The following BANK1 variants were observed in gnomAD, a reference collection of about 807,000 sequenced individuals.
BANK1 encodes the protein B cell scaffold protein with ankyrin repeats 1.
BANK1 carries 95 observed loss-of-function variants against 94.5 expected under a neutral mutation model. The observed-to-expected ratio is 1.00, with a 90% CI of 0.85 to 1.19. The LOEUF is 1.19. Ranked by LOEUF, BANK1 falls within the 50% of genes most tolerant of loss-of-function variation. The pLI is 0.00. For missense variants in BANK1, 987 were observed against 932.2 expected (o/e 1.06, Z -0.77); for synonymous variants, 334 against 308.4 (o/e 1.08, Z -0.87).
At chr4:102,049,605 C>G (rs1727983457) in intron 11 of BANK1, among the ~76,000 whole-genome samples, 1 of 152,146 alleles carries the variant, frequency 6.6e-6, no homozygotes, top group African/African-American at 2.4e-5. Context: ...GGCAGCTAGG[C>G]AGACACGAGC....
chr4:101,841,749 A>T (rs1430947008), intron 2 of BANK1, among the ~76,000 whole-genome samples: 1 of 148,646 alleles, frequency 6.7e-6, no homozygotes. Context: ...AGCATTAGGT[A>T]TATCTCCCAA....
chr4:101,814,019 T>C (rs1725810787), intron 1 of BANK1: 9 of 410,312 alleles, frequency 2.2e-5, no homozygotes, highest in Non-Finnish European at 3.0e-5. Flanking sequence ...TGAGATGATA[T>C]TTCTTTAGAG....
chr4:102,036,059 G>A (rs529565638), intron 10 of BANK1, among the ~76,000 whole-genome samples: 1 of 152,264 alleles, frequency 6.6e-6, no homozygotes, highest in East Asian at 1.9e-4. Context: ...GCATCAATGG[G>A]CAATTTTCTA....
At chr4:102,003,908 T>C (rs1271916587) in intron 7 of BANK1, among the ~76,000 whole-genome samples, 1 of 151,604 alleles carries the variant, frequency 6.6e-6, no homozygotes, top group Non-Finnish European at 1.5e-5. Context: ...TGTGTATATA[T>C]GTATGTATAC....
Position 101,987,568 on chromosome 4 carries a change from G to T in BANK1, c.1207-33946G>T, listed in dbSNP as rs1473998203. On this transcript the variant is annotated intron_variant, in intron 7 of 16. Coordinates refer to ENST00000322953, the MANE Select transcript of BANK1 (RefSeq NM_017935.5). ...AATTAAGCTTATCTCATTGGGAATTGTTCTTCCTCAACAACCTTGGCAGGA... is the reference window on the plus strand; with the variant it reads ...AATTAAGCTTATCTCATTGGGAATTTTTCTTCCTCAACAACCTTGGCAGGA... 2.0e-5 allele frequency among the ~76,000 whole-genome samples: 3 copies of T among 151,998 alleles called. No individual in the cohort carries two copies. In the East Asian group the frequency reaches 5.8e-4, roughly 29 times the overall value.
intron 7 of BANK1, among the ~76,000 whole-genome samples, chr4:101,991,995 G>A (rs1285114864): frequency 6.6e-6 from 1 of 152,172 alleles, no homozygotes; most frequent in East Asian, 1.9e-4. Context: ...TTTGGTTCAT[G>A]TGGGTATGTA....
At chr4:101,890,433 A>G (rs566140841) in intron 5 of BANK1, among the ~76,000 whole-genome samples, 1 of 151,202 alleles carries the variant, frequency 6.6e-6, no homozygotes, top group African/African-American at 2.4e-5. Flanking sequence ...TCTCCTGTAA[A>G]TTTTTTTGCT....
At position 102,071,316 on chromosome 4, in the gene BANK1, G is replaced by A. The variant is rs913103327; in HGVS notation, c.2242+12G>A. 1.2e-6 allele frequency: 2 copies of A among 1,612,896 alleles called. No homozygotes were observed. The highest frequency in any genetic ancestry group is 1.3e-5 in the African/African-American group (1 of 74,980). On this transcript the variant is annotated intron_variant, in intron 14 of 16. Coordinates refer to ENST00000322953, the MANE Select transcript of BANK1 (RefSeq NM_017935.5). ...GCACCATCCAGGTGGTAAGTGCTTG[G>A]TATTTATTGAAGGATCTAAGACTAA...
intron 7 of BANK1, among the ~76,000 whole-genome samples, chr4:101,970,178 G>A (rs1055286936): frequency 2.6e-5 from 4 of 152,094 alleles, no homozygotes; most frequent in Non-Finnish European, 5.9e-5. Context: ...TGCGTGTCAG[G>A]CACTGTTATC....
rs1491352771 is a variant in BANK1, at chr4:102,007,066, T to TATATATAAATATATTATATATATA, written c.1207-14448_1207-14447insATATATAAATATATTATATATATA. On this transcript the variant is annotated intron_variant, in intron 7 of 16. Coordinates refer to ENST00000322953, the MANE Select transcript of BANK1 (RefSeq NM_017935.5). ...ATATATATATATATAAAATATATAA[T>TATATATAAATATATTATATATATA]TTTATATATATATAAATATATATAT... Among the ~76,000 whole-genome samples the TATATATAAATATATTATATATATA allele has an allele frequency of 5.5e-3, 548 of 98,826 alleles. 3 individuals carry two copies. The highest frequency in any genetic ancestry group is 0.021 in the African/African-American group (521 of 24,284). 64.8% of individuals were successfully genotyped at this position (98,826 alleles called of 152,430 possible). A position where few individuals can be genotyped will look rare whatever the true frequency, so the allele number is the denominator to read the frequency against.
chr4:102,025,292 A>T lies in BANK1; in HGVS notation c.1377A>T (p.Gly459=). 1 of 1,614,102 alleles carries T rather than the reference A, an allele frequency of 6.2e-7. No individual in the cohort carries two copies. Among genetic ancestry groups the T allele is most frequent in the Non-Finnish European group, 8.5e-7 (1 of 1,179,998 alleles). ...AGGCAAATGAAATGGAAGGGGAAGG[A>T]AAACAGAATGGATCAGGCATGGAGA... ...GAEANEMEGE[G]KQNGSGMETK... Residue 459 remains glycine, a synonymous_variant, in exon 9 of 17, where the codon GGA becomes GGT. Coordinates refer to ENST00000322953, the MANE Select transcript of BANK1 (RefSeq NM_017935.5).
chr4:101,852,412 C>G (rs1727512527), intron 2 of BANK1, among the ~76,000 whole-genome samples: 2 of 141,024 alleles, frequency 1.4e-5, no homozygotes, highest in South Asian at 4.4e-4. Context: ...ATATTTATAT[C>G]TATTTAGTAA....
intron 1 of BANK1, among the ~76,000 whole-genome samples, chr4:101,821,261 G>A (rs1188400887): frequency 6.6e-6 from 1 of 152,160 alleles, no homozygotes; most frequent in African/African-American, 2.4e-5. Flanking sequence ...TTTGAAAAGT[G>A]TCTATTCATG....
At chr4:101,827,699 A>T (rs1726417693) in intron 1 of BANK1, among the ~76,000 whole-genome samples, 1 of 151,838 alleles carries the variant, frequency 6.6e-6, no homozygotes, top group African/African-American at 2.4e-5. Context: ...ATTTTCCTCT[A>T]TTATTTAAAT....
chr4:101,970,844 A>G (rs1724928378), intron 7 of BANK1, among the ~76,000 whole-genome samples: 1 of 152,138 alleles, frequency 6.6e-6, no homozygotes, highest in Non-Finnish European at 1.5e-5. Flanking sequence ...AGTGAAATAT[A>G]AGAAGTAAAC....
At position 101,878,538 on chromosome 4, in the gene BANK1, G is replaced by A. The variant is rs187001311; in HGVS notation, c.903+7894G>A. Among the ~76,000 whole-genome samples the A allele has an allele frequency of 3.9e-5, 6 of 152,138 alleles. No individual in the cohort carries two copies. The South Asian group carries it at 6.2e-4, about 16-fold the overall frequency. ...ACTCCAACACCTCAATTTCAGCATC[G>A]GACAGATATTCCACACAGAAAATGA... is the stretch of plus-strand genomic sequence containing the variant. On this transcript the variant is annotated intron_variant, in intron 5 of 16. Transcript: ENST00000322953.
intron 3 of BANK1, among the ~76,000 whole-genome samples, chr4:101,858,520 C>G (rs1727760927): frequency 6.6e-6 from 1 of 152,110 alleles, no homozygotes; most frequent in Non-Finnish European, 1.5e-5. Flanking sequence ...TTAAATATAT[C>G]ATTTTCCCTT....
At chr4:102,050,546 T>C (rs960066361) in intron 11 of BANK1, among the ~76,000 whole-genome samples, 6 of 152,210 alleles carry the variant, frequency 3.9e-5, no homozygotes, top group Non-Finnish European at 5.9e-5. Context: ...CCACATGTGG[T>C]CAAATTTAGC....
At position 102,039,434 on chromosome 4, in the gene BANK1, T is replaced by C. The variant is rs1199206340; in HGVS notation, c.1901-4405T>C. Among the ~76,000 whole-genome samples the C allele has an allele frequency of 2.0e-5, 3 of 152,150 alleles. No homozygotes were observed. In the East Asian group the frequency reaches 5.8e-4, roughly 29 times the overall value. On this transcript the variant is annotated intron_variant, in intron 10 of 16. Coordinates refer to ENST00000322953, the MANE Select transcript of BANK1 (RefSeq NM_017935.5). ...GTTAAAACATTCTGTGTTTCCTGTATTTGCTGGCTAGACAAAGGGTTTATT... is the reference window on the plus strand; with the variant it reads ...GTTAAAACATTCTGTGTTTCCTGTACTTGCTGGCTAGACAAAGGGTTTATT...
Sources: allele counts gnomAD v4.1 joint callset (sites outside exome capture counted in the v4.1 genomes callset), GRCh38; gene constraint gnomAD v4.1.1; transcripts MANE v1.5; gene names NCBI Gene and HGNC (gene_info 2026-07-23, HGNC 2026-07-21).